The following HDAC4 variants were observed in gnomAD, a reference collection of about 807,000 sequenced individuals.
HDAC4 encodes histone deacetylase 4.
HDAC4 carries 16 observed loss-of-function variants against 135.1 expected under a neutral mutation model. The observed-to-expected ratio is 0.12, with a 90% CI of 0.08 to 0.18. The LOEUF is 0.18. Among genes scored for constraint, HDAC4 ranks in the 10% least tolerant of loss-of-function variants. HDAC4 has a pLI of 1.00. For missense variants in HDAC4, 1,143 were observed against 1,511.8 expected, an observed-to-expected ratio of 0.76 and a Z score of 4.05; for synonymous variants, 685 against 653.4, an observed-to-expected ratio of 1.05 and a Z score of -0.74.
At chr2:239,096,507 A>ACCCACACCC (rs2037074466) in intron 16 of HDAC4, among the ~76,000 whole-genome samples, 2 of 31,000 alleles carry the variant, frequency 6.5e-5, no homozygotes, top group African/African-American at 2.9e-4. Context: ...CCCCATGGAC[A>ACCCACACCC]CCCACACCCC....
Position 239,155,215 on chromosome 2 carries a change from C to T in HDAC4, c.733+1437G>A, listed in dbSNP as rs137992951. 2.4e-3 allele frequency among the ~76,000 whole-genome samples: 357 copies of T among 150,826 alleles called. 2 individuals carry two copies. Among genetic ancestry groups the T allele is most frequent in the Non-Finnish European group, 4.3e-3 (291 of 67,726 alleles). ...CGGCCCACTGCTCCAGGGACACCAC[C>T]GCCTCAATAAACCCTAATAGGTGTA... On this transcript the variant is annotated intron_variant, in intron 7 of 26. Coordinates refer to ENST00000543185, the MANE Select transcript of HDAC4 (RefSeq NM_001378414.1).
At chr2:239,258,827 A>G (rs2049189901) in intron 2 of HDAC4, among the ~76,000 whole-genome samples, 1 of 152,250 alleles carries the variant, frequency 6.6e-6, no homozygotes, top group Non-Finnish European at 1.5e-5. Flanking sequence ...AATCATGTTC[A>G]ATGTAAACAA....
At chr2:239,268,271 C>T (rs1307759018) in intron 2 of HDAC4, among the ~76,000 whole-genome samples, 1 of 151,760 alleles carries the variant, frequency 6.6e-6, no homozygotes. Flanking sequence ...GACGGTGGCC[C>T]TGGCGGGCCA....
chr2:239,279,487 C>T (rs751537656), intron 2 of HDAC4, among the ~76,000 whole-genome samples: 4 of 152,206 alleles, frequency 2.6e-5, no homozygotes, highest in Admixed American at 6.5e-5. Context: ...GGTTCAGGCC[C>T]GTCTCTCTGC....
chr2:239,093,010 T>G (rs2036665148), intron 17 of HDAC4, among the ~76,000 whole-genome samples: 1 of 152,076 alleles, frequency 6.6e-6, no homozygotes, highest in South Asian at 2.1e-4. Flanking sequence ...TGCCGAGGGC[T>G]GGCAGGGCTG....
chr2:239,232,833 T>C (rs1367793950), intron 3 of HDAC4, among the ~76,000 whole-genome samples: 1 of 51,362 alleles, frequency 1.9e-5, no homozygotes, highest in Non-Finnish European at 3.6e-5. Flanking sequence ...AAGCCAAGGG[T>C]GGCCCTTCCC....
At chr2:239,260,777 G>A (rs1023345211) in intron 2 of HDAC4, among the ~76,000 whole-genome samples, 7 of 152,318 alleles carry the variant, frequency 4.6e-5, no homozygotes, top group African/African-American at 1.4e-4. Context: ...GGGCCCGAGC[G>A]CTGCCTCTCT....
chr2:239,288,020 T>C (rs2051233313), intron 2 of HDAC4, among the ~76,000 whole-genome samples: 2 of 150,490 alleles, frequency 1.3e-5, no homozygotes, highest in Non-Finnish European at 3.0e-5. Flanking sequence ...TTACAAACTT[T>C]CAAGGAATAA....
chr2:239,277,655 G>C (rs191896535), intron 2 of HDAC4, among the ~76,000 whole-genome samples: 21 of 152,234 alleles, frequency 1.4e-4, no homozygotes, highest in African/African-American at 5.1e-4. Context: ...TGCCTAAAAG[G>C]GCCACACAGC....
At chr2:239,211,413 C>A (rs898246798) in intron 3 of HDAC4, among the ~76,000 whole-genome samples, 2 of 152,134 alleles carry the variant, frequency 1.3e-5, no homozygotes, top group South Asian at 2.1e-4. Context: ...CGGTGATGGT[C>A]CCCAGGGTGG....
rs115575442 is a variant in HDAC4, at chr2:239,114,117, T to C, written c.1791+936A>G. Among the ~76,000 whole-genome samples the C allele has an allele frequency of 8.4e-3, 1,274 of 152,272 alleles. 15 individuals carry two copies. The highest frequency in any genetic ancestry group is 0.029 in the African/African-American group (1,219 of 41,540). On this transcript the variant is annotated intron_variant, in intron 13 of 26. Coordinates refer to ENST00000543185, the MANE Select transcript of HDAC4 (RefSeq NM_001378414.1). The stretch of plus-strand genomic sequence containing the variant: ...TTCAGTGGCAAGCATTTAAGAACTG[T>C]AGCTGAGAATTAAGGGGAACAGTTT...
At chr2:239,095,979 C>T (rs868829979) in intron 16 of HDAC4, among the ~76,000 whole-genome samples, 8 of 152,130 alleles carry the variant, frequency 5.3e-5, no homozygotes, top group Non-Finnish European at 1.2e-4. Flanking sequence ...CTTTATCCAA[C>T]GTGGGACCCC....
chr2:239,286,370 C>T (rs1006336400), intron 2 of HDAC4, among the ~76,000 whole-genome samples: 3 of 152,114 alleles, frequency 2.0e-5, no homozygotes, highest in African/African-American at 7.2e-5. Context: ...AAGATCCTGA[C>T]GAAGAAATCA....
chr2:239,088,367 G>A (rs951768000), intron 18 of HDAC4, among the ~76,000 whole-genome samples: 3 of 152,228 alleles, frequency 2.0e-5, no homozygotes, highest in Admixed American at 6.5e-5. Flanking sequence ...GCCGGACGCC[G>A]CAGGGACCAG....
At chr2:239,382,894 T>G (rs1259860678) in intron 1 of HDAC4, among the ~76,000 whole-genome samples, 1 of 151,958 alleles carries the variant, frequency 6.6e-6, no homozygotes, top group African/African-American at 2.4e-5. Context: ...CTGGCTAACT[T>G]TTTTGTATTT....
chr2:239,280,827 A>C (rs1340963355), intron 2 of HDAC4, among the ~76,000 whole-genome samples: 3 of 150,714 alleles, frequency 2.0e-5, no homozygotes, highest in Non-Finnish European at 4.4e-5. Flanking sequence ...ACCACTCTAC[A>C]ATGTACACAC....
In HDAC4 at chr2:239,314,069, G is replaced by A. The variant is rs560520157; in HGVS notation, c.22+38609C>T. Among the ~76,000 whole-genome samples the A allele has an allele frequency of 1.9e-3, 284 of 152,230 alleles. 1 individual carries two copies. The highest frequency in any genetic ancestry group is 6.8e-3 in the Middle Eastern group (2 of 294). On this transcript the variant is annotated intron_variant, in intron 2 of 26. Transcript: ENST00000543185. ...CAGAACTCATAATCCCAGACCCCTC[G>A]CAATGGTTTGGGGAGAATTCAGACA...
At chr2:239,088,096 G>A (rs764083837) in intron 18 of HDAC4, among the ~76,000 whole-genome samples, 10 of 152,230 alleles carry the variant, frequency 6.6e-5, no homozygotes, top group Admixed American at 2.0e-4. Context: ...TGTCCTTACT[G>A]CAGTTCAGCT....
In HDAC4 at chr2:239,221,669, C is replaced by G. The variant is rs1411490096; in HGVS notation, c.94+14924G>C. ...ACACACACAGCCTTCAACTGAAGAA[C>G]AGCTACTTCCACATCTGTCCACATT... On this transcript the variant is annotated intron_variant, in intron 3 of 26. Coordinates refer to ENST00000543185, the MANE Select transcript of HDAC4 (RefSeq NM_001378414.1). 3.9e-5 allele frequency among the ~76,000 whole-genome samples: 6 copies of G among 151,948 alleles called. No individual in the cohort carries two copies. In the East Asian group the frequency reaches 1.2e-3, roughly 29 times the overall value.
Sources: gnomAD v4.1 joint callset for allele counts (sites outside exome capture counted in the v4.1 genomes callset) on GRCh38, gnomAD v4.1.1 for gene constraint, MANE v1.5 for transcripts, NCBI Gene and HGNC (gene_info 2026-07-23, HGNC 2026-07-21) for gene names.